Variants in INTS9 observed in about 807,000 individuals in gnomAD.
INTS9 encodes protein related to CPSF subunits of 74 kDa.
A neutral mutation model predicts 79.7 loss-of-function variants in INTS9; 55 were observed. The ratio of observed to expected loss-of-function variants is 0.69; its 90% CI spans 0.56 to 0.86. The LOEUF (loss-of-function observed/expected upper bound fraction) is 0.86, where lower values mean the gene tolerates loss of function less well. INTS9 is among the 40% of genes least tolerant of loss of function. The pLI is 0.00. For missense variants in INTS9, 721 were observed against 831.5 expected, an observed-to-expected ratio of 0.87 and a Z score of 1.64; for synonymous variants, 319 against 325.2, an observed-to-expected ratio of 0.98 and a Z score of 0.20.
chr8:28,873,955 T>C (rs1049166656), intron 1 of INTS9, among the ~76,000 whole-genome samples: 3 of 152,218 alleles, frequency 2.0e-5, no homozygotes, highest in African/African-American at 7.2e-5. Flanking sequence ...TCCCACTGAT[T>C]GTTGGGATGC....
chr8:28,833,800 G>A (rs1806645805), intron 6 of INTS9, among the ~76,000 whole-genome samples: 1 of 152,166 alleles, frequency 6.6e-6, no homozygotes, highest in Non-Finnish European at 1.5e-5. Flanking sequence ...AAAGCCCAGT[G>A]TGTTAATATC....
chr8:28,779,478 C>T (rs1395489477), intron 12 of INTS9, among the ~76,000 whole-genome samples: 1 of 152,322 alleles, frequency 6.6e-6, no homozygotes. Context: ...CAAGACCCCT[C>T]TGTAATCATC....
chr8:28,772,150 T>C (rs1257938977), intron 14 of INTS9, among the ~76,000 whole-genome samples: 1 of 151,794 alleles, frequency 6.6e-6, no homozygotes, highest in African/African-American at 2.4e-5. Flanking sequence ...CCTGAGCCAA[T>C]GTGCCTGGCC....
intron 11 of INTS9, among the ~76,000 whole-genome samples, chr8:28,784,603 C>T (rs192002843): frequency 7.9e-5 from 12 of 152,326 alleles, no homozygotes; most frequent in African/African-American, 2.6e-4. Flanking sequence ...TGTTGAAATA[C>T]GTGTTAGTTA....
rs753547465 is a variant in INTS9 at position 28,878,778 on chromosome 8, G to A, written c.9+11096C>T. 2.9e-4 allele frequency among the ~76,000 whole-genome samples: 44 copies of A among 151,832 alleles called. 1 individual carries two copies. Among genetic ancestry groups the A allele is most frequent in the Non-Finnish European group, 4.1e-4 (28 of 67,926 alleles). Reference sequence around the variant, plus strand: ...CCAGGTAACTTGAGGTCAGGAGTTCGAGACCAGCCTGACCAACATGGAAAA... The same window carrying A: ...CCAGGTAACTTGAGGTCAGGAGTTCAAGACCAGCCTGACCAACATGGAAAA... On this transcript the variant is annotated intron_variant, in intron 1 of 16. Transcript: ENST00000521022.
At chr8:28,816,282 C>T (rs1333471365) in intron 6 of INTS9, among the ~76,000 whole-genome samples, 4 of 149,658 alleles carry the variant, frequency 2.7e-5, no homozygotes, top group Admixed American at 6.7e-5. Flanking sequence ...TAGGTATGTC[C>T]CCTAAAGCTG....
chr8:28,782,539 G>A (rs546951915), intron 11 of INTS9, among the ~76,000 whole-genome samples: 35 of 152,312 alleles, frequency 2.3e-4, no homozygotes, highest in African/African-American at 7.0e-4. Context: ...GTGCACACAT[G>A]CACACATACA....
intron 1 of INTS9, among the ~76,000 whole-genome samples, chr8:28,868,281 T>G (rs1409703330): frequency 6.6e-6 from 1 of 152,218 alleles, no homozygotes; most frequent in African/African-American, 2.4e-5. Context: ...TTTCTTTTGT[T>G]GGTTTTCCTT....
chr8:28,838,246 T>C (rs79279059), intron 4 of INTS9, among the ~76,000 whole-genome samples: 1 of 148,196 alleles, frequency 6.7e-6, no homozygotes, highest in African/African-American at 2.5e-5. Flanking sequence ...CTTGTTTTGC[T>C]TTTTTTTTTC....
At chr8:28,855,545 A>T (rs1448020203) in intron 2 of INTS9, among the ~76,000 whole-genome samples, 2 of 152,218 alleles carry the variant, frequency 1.3e-5, no homozygotes, top group Admixed American at 6.5e-5. Context: ...CGTTATATGA[A>T]ATAATTGGCC....
At position 28,880,225 on chromosome 8, in the gene INTS9, G is replaced by GCTCTCC. The variant is rs56703987; in HGVS notation, c.9+9643_9+9648dup. 8.9e-3 allele frequency among the ~76,000 whole-genome samples: 1,130 copies of GCTCTCC among 126,920 alleles called. 14 individuals carry two copies. Among genetic ancestry groups the GCTCTCC allele is most frequent in the Non-Finnish European group, 0.012 (710 of 59,176 alleles). 83.3% of individuals were successfully genotyped at this position (126,920 alleles called of 152,430 possible). A position where few individuals can be genotyped will look rare whatever the true frequency, so the allele number is the denominator to read the frequency against. On this transcript the variant is annotated intron_variant, in intron 1 of 16. Transcript: ENST00000521022. ...AATGGCATAGAAAAATGTAGACATA[G>GCTCTCC]CTCTCCCTCTCCCTCTCCCTCTCCC...
intron 10 of INTS9, among the ~76,000 whole-genome samples, chr8:28,792,684 C>T (rs1016817090): frequency 5.3e-5 from 8 of 152,046 alleles, no homozygotes; most frequent in East Asian, 1.9e-4. Context: ...GAGGCCGAGG[C>T]GGGTGGATCA....
At chr8:28,811,339 G>A (rs1367430152) in intron 8 of INTS9, among the ~76,000 whole-genome samples, 2 of 151,712 alleles carry the variant, frequency 1.3e-5, no homozygotes, top group African/African-American at 4.8e-5. Flanking sequence ...GGCCAGGTTG[G>A]TCTTGAACTC....
chr8:28,862,580 A>G (rs1427652893), intron 1 of INTS9, among the ~76,000 whole-genome samples: 1 of 152,180 alleles, frequency 6.6e-6, no homozygotes, highest in Non-Finnish European at 1.5e-5. Flanking sequence ...AGTAGCACTA[A>G]CTGGGTCAAA....
chr8:28,835,475 C>A, intron 5 of INTS9, 97 bp from the exon 6 acceptor site: 2 of 515,652 alleles, frequency 3.9e-6, no homozygotes, highest in South Asian at 3.2e-5. Flanking sequence ...TTGCCCACCT[C>A]CCCCTACACC....
In INTS9 at chr8:28,796,854, G is replaced by A. The variant is rs909910010; in HGVS notation, c.745-199C>T. The A allele has an allele frequency of 2.3e-5, 12 of 511,512 alleles. 1 individual carries two copies. Among genetic ancestry groups the A allele is most frequent in the African/African-American group, 3.8e-5 (2 of 52,750 alleles). The allele number at this position is 511,512 out of a possible 1,614,324, so 31.7% of individuals were successfully genotyped here. ...GGGACTGATGGGAGGAGGCAAGAGG[G>A]AGCTTTATAAGGGATGAACAAGTTC... On this transcript the variant is annotated intron_variant, in intron 8 of 16. Coordinates refer to ENST00000521022, the MANE Select transcript of INTS9 (RefSeq NM_018250.4).
intron 10 of INTS9, among the ~76,000 whole-genome samples, chr8:28,789,880 AAACCAACC>A (rs140330828): frequency 0.53 from 79,986 of 151,500 alleles, 23,092 homozygotes; most frequent in Non-Finnish European, 0.66. Context: ...CCTGTCTCAA[AAACCAACC>A]AACCAACCAA....
At chr8:28,832,593 G>C (rs930844691) in intron 6 of INTS9, among the ~76,000 whole-genome samples, 1 of 152,344 alleles carries the variant, frequency 6.6e-6, no homozygotes, top group African/African-American at 2.4e-5. Flanking sequence ...TTTGAATCCA[G>C]ATCCTGCCAC....
rs116262267 is a variant in INTS9 at position 28,770,881 on chromosome 8, A to G, written c.1662+101T>C. On this transcript the variant is annotated intron_variant, in intron 15 of 16. Transcript: ENST00000521022. ...ACATGGCCAGGGAAATAATTCTTCA[A>G]CAAGAATTCACATGAAGCGCTATTT... The G allele has an allele frequency of 4.4e-3, 3,701 of 847,502 alleles. 108 individuals carry two copies. In the African/African-American group the frequency reaches 0.056, roughly 13 times the overall value. 52.5% of individuals were successfully genotyped at this position (847,502 alleles called of 1,614,324 possible). A position where few individuals can be genotyped will look rare whatever the true frequency, so the allele number is the denominator to read the frequency against.
Sources: gnomAD v4.1 joint callset for allele counts (sites outside exome capture counted in the v4.1 genomes callset) on GRCh38, gnomAD v4.1.1 for gene constraint, MANE v1.5 for transcripts, NCBI Gene and HGNC (gene_info 2026-07-23, HGNC 2026-07-21) for gene names.